MAEL: variants seen among roughly 807,000 people sequenced by gnomAD.
MAEL encodes maelstrom spermatogenic transposon silencer, also known as protein maelstrom homolog.
MAEL carries 46 observed loss-of-function variants against 62.0 expected under a neutral mutation model. The observed-to-expected ratio is 0.74, with a 90% CI of 0.59 to 0.95. MAEL has a LOEUF of 0.95. Among genes scored for constraint, MAEL ranks in the 40% least tolerant of loss-of-function variants. MAEL has a pLI of 0.00. For missense variants in MAEL, 497 were observed against 526.8 expected (o/e 0.94, Z 0.55); for synonymous variants, 172 against 175.5 (o/e 0.98, Z 0.16).
intron 3 of MAEL, among the ~76,000 whole-genome samples, 189 bp from the exon 4 acceptor site, chr1:166,992,497 A>T (rs1664229913): frequency 1.3e-5 from 2 of 152,146 alleles, no homozygotes; most frequent in South Asian, 4.1e-4. Flanking sequence ...TGATAATTGT[A>T]ATTATAAGAA....
chr1:166,989,528 C>T (rs745600222), intron 1 of MAEL, 44 bp downstream of exon 1: 1 of 1,566,804 alleles, frequency 6.4e-7, no homozygotes, highest in Non-Finnish European at 8.7e-7. Context: ...GGCAGTTGGG[C>T]AAGCCGGAGG....
chr1:166,982,661 TA>T (rs890401015), intron 1 of MAEL, among the ~76,000 whole-genome samples: 40 of 148,796 alleles, frequency 2.7e-4, no homozygotes, highest in African/African-American at 8.6e-4. Flanking sequence ...TATACTTAAT[TA>T]AAAAAAAAAG....
chr1:166,981,314 G>A (rs1332508498), intron 1 of MAEL, among the ~76,000 whole-genome samples: 5 of 152,010 alleles, frequency 3.3e-5, no homozygotes, highest in East Asian at 1.9e-4. Flanking sequence ...TTACCTTTTC[G>A]TCATCTCTCC....
chr1:167,018,348 C>T (rs1317576794), intron 10 of MAEL, among the ~76,000 whole-genome samples: 1 of 152,120 alleles, frequency 6.6e-6, no homozygotes, highest in African/African-American at 2.4e-5. Flanking sequence ...TCTCTACCAC[C>T]TTCCTTCCCT....
intron 1 of MAEL, among the ~76,000 whole-genome samples, chr1:166,976,235 T>C (rs1174346431): frequency 2.6e-5 from 4 of 152,196 alleles, no homozygotes; most frequent in African/African-American, 9.7e-5. Context: ...CATGGATTAT[T>C]CCTATTTGTC....
chr1:167,004,451 G>T, intron 6 of MAEL, 147 bp downstream of exon 6: 1 of 680,790 alleles, frequency 1.5e-6, no homozygotes, highest in Non-Finnish European at 2.3e-6. Context: ...ATGTAATTAG[G>T]TATAGTGCCT....
chr1:167,020,678 C>T (rs1393298524), intron 10 of MAEL, among the ~76,000 whole-genome samples: 2 of 152,086 alleles, frequency 1.3e-5, no homozygotes, highest in East Asian at 3.9e-4. Flanking sequence ...ACCATATTCT[C>T]TGCTTTACTC....
At chr1:167,015,146 T>C (rs1665333942) in intron 8 of MAEL, among the ~76,000 whole-genome samples, 1 of 152,150 alleles carries the variant, frequency 6.6e-6, no homozygotes, top group Non-Finnish European at 1.5e-5. Flanking sequence ...CAGAAGAGTG[T>C]ATAGAAAGGC....
intron 5 of MAEL, among the ~76,000 whole-genome samples, chr1:167,003,375 A>G (rs755055608): frequency 5.3e-5 from 8 of 152,222 alleles, no homozygotes; most frequent in Middle Eastern, 3.4e-3. Context: ...TCTGTCAACT[A>G]TATATTTGTT....
chr1:167,021,721 A>G lies in MAEL; in HGVS notation c.1171A>G (p.Arg391Gly), dbSNP rs1362577430. The change falls in exon 12 of 12, where the codon AGA becomes GGA. Residue 391 changes from arginine to glycine, a missense_variant. Transcript: ENST00000367872. The stretch of plus-strand genomic sequence containing the variant: ...TGGCCAAAACAGCAGCGTTCGGGGA[A>G]GAGGAATTACCCGCTTACTAGAGAG... Reference protein sequence around the residue: ...ISGQNSSVRGRGITRLLESIS... With the variant: ...ISGQNSSVRGGGITRLLESIS... The G allele has an allele frequency of 6.2e-7, 1 of 1,613,248 alleles. No individual in the cohort carries two copies. Among genetic ancestry groups the G allele is most frequent in the Admixed American group, 1.7e-5 (1 of 59,748 alleles).
At chr1:167,002,098 G>A (rs1179311340) in intron 5 of MAEL, among the ~76,000 whole-genome samples, 2 of 152,122 alleles carry the variant, frequency 1.3e-5, no homozygotes, top group East Asian at 3.8e-4. Flanking sequence ...TACTTTACTA[G>A]TGTTAAACGA....
intron 8 of MAEL, among the ~76,000 whole-genome samples, chr1:167,007,597 G>A (rs897089909): frequency 5.4e-5 from 3 of 55,576 alleles, no homozygotes; most frequent in African/African-American, 4.9e-4. Flanking sequence ...GTGTGTGTGT[G>A]TATGTACACA....
chr1:167,006,601 CTATATATATATATATATATATATATA>C (rs200881169), intron 8 of MAEL, among the ~76,000 whole-genome samples: 1 of 98,070 alleles, frequency 1.0e-5, no homozygotes, highest in African/African-American at 3.5e-5. Flanking sequence ...TGGTTTTTTA[CTATATATATATATATATATATATATA>C]TATATATATA....
At chr1:167,010,050 C>G (rs772041298) in intron 8 of MAEL, among the ~76,000 whole-genome samples, 5 of 152,140 alleles carry the variant, frequency 3.3e-5, no homozygotes, top group Non-Finnish European at 7.4e-5. Context: ...ATCCCTATGA[C>G]CCCCATGTGT....
At chr1:167,013,108 T>C (rs954330576) in intron 8 of MAEL, among the ~76,000 whole-genome samples, 3 of 152,156 alleles carry the variant, frequency 2.0e-5, no homozygotes, top group African/African-American at 7.2e-5. Flanking sequence ...GGTTACAGTG[T>C]TCTGAGGTCC....
rs529206526 is a variant in MAEL at position 166,980,061 on chromosome 1, G to C, written c.-121+4395G>C. On this transcript the variant is annotated intron_variant, in intron 1 of 12. Transcript: ENST00000622874. ...AGACAGGGTCTGACTCTGTCACCCA[G>C]ACTGGACTGCAATGGTGCCATCGTA... is the stretch of plus-strand genomic sequence containing the variant. 2.6e-5 allele frequency among the ~76,000 whole-genome samples: 4 copies of C among 152,246 alleles called. No individual in the cohort carries two copies. The South Asian group carries it at 6.2e-4, about 24-fold the overall frequency.
At chr1:166,985,999 C>T (rs150419947), upstream of MAEL, among the ~76,000 whole-genome samples, 18 of 152,200 alleles carry the variant, frequency 1.2e-4, no homozygotes, top group South Asian at 1.5e-3. Context: ...TTTTTTAAAA[C>T]GACCCAATCA....
At chr1:166,979,816 C>G (rs927311467) in intron 1 of MAEL, among the ~76,000 whole-genome samples, 1 of 152,132 alleles carries the variant, frequency 6.6e-6, no homozygotes, top group Admixed American at 6.5e-5. Flanking sequence ...GCAGCCCTTG[C>G]CTGAATTAGC....
intron 10 of MAEL, among the ~76,000 whole-genome samples, chr1:167,019,512 A>G (rs573658425): frequency 5.9e-5 from 9 of 152,218 alleles, no homozygotes; most frequent in Non-Finnish European, 1.2e-4. Flanking sequence ...AGTTATCAGC[A>G]AAATTTCAGG....
Sources: allele counts gnomAD v4.1 joint callset (sites outside exome capture counted in the v4.1 genomes callset), GRCh38; gene constraint gnomAD v4.1.1; transcripts MANE v1.5; gene names NCBI Gene and HGNC (gene_info 2026-07-23, HGNC 2026-07-21).